TAF3: variants seen among roughly 807,000 people sequenced by gnomAD.
The protein encoded by TAF3 is TATA-box binding protein associated factor 3, also known as transcription initiation factor TFIID subunit 3.
TAF3 carries 7 observed loss-of-function variants against 80.6 expected under a neutral mutation model. The observed-to-expected ratio is 0.09, with a 90% CI of 0.05 to 0.16. The LOEUF (loss-of-function observed/expected upper bound fraction) is 0.16. TAF3 is among the 10% of genes least tolerant of loss of function. The pLI is 1.00. For missense variants in TAF3, 921 were observed against 1,140.2 expected (o/e 0.81, Z 2.77); for synonymous variants, 444 against 446.1 (o/e 1.00, Z 0.06).
intron 2 of TAF3, among the ~76,000 whole-genome samples, chr10:7,883,505 T>C (rs199623487): frequency 6.6e-6 from 1 of 152,238 alleles, no homozygotes; most frequent in East Asian, 1.9e-4. Flanking sequence ...TTCTCCTTTG[T>C]CATTGATAGC....
intron 2 of TAF3, among the ~76,000 whole-genome samples, chr10:7,838,930 T>C (rs1220641603): frequency 3.0e-5 from 3 of 101,682 alleles, no homozygotes; most frequent in African/African-American, 1.1e-4. Context: ...TTTTGGTTTG[T>C]TTGTTTTGTT....
At chr10:7,963,005 A>G (rs1274107163) in intron 2 of TAF3, among the ~76,000 whole-genome samples, 1 of 152,200 alleles carries the variant, frequency 6.6e-6, no homozygotes, top group Non-Finnish European at 1.5e-5. Context: ...ACAGGCTCAG[A>G]GAGGTTGAGA....
intron 2 of TAF3, among the ~76,000 whole-genome samples, chr10:7,896,164 G>A (rs7909825): frequency 0.35 from 53,362 of 152,020 alleles, 10,525 homozygotes; most frequent in Admixed American, 0.48. Context: ...TTGTTCTATT[G>A]TGTATGCTAG....
intron 1 of TAF3, among the ~76,000 whole-genome samples, chr10:7,819,975 A>G (rs966643251): frequency 6.6e-6 from 1 of 152,194 alleles, no homozygotes; most frequent in African/African-American, 2.4e-5. Flanking sequence ...CGTTGGTTAC[A>G]GGCTAAAAAT....
intron 2 of TAF3, among the ~76,000 whole-genome samples, chr10:7,876,304 G>A (rs754324049): frequency 3.3e-5 from 5 of 152,140 alleles, no homozygotes; most frequent in Non-Finnish European, 7.4e-5. Flanking sequence ...TTACCTGAAA[G>A]CAATACTTTA....
chr10:7,843,965 T>C (rs1432252912), intron 2 of TAF3, among the ~76,000 whole-genome samples: 5 of 152,204 alleles, frequency 3.3e-5, no homozygotes, highest in African/African-American at 4.8e-5. Flanking sequence ...TCTTTCAATT[T>C]CTGTTAGTGT....
At chr10:7,898,301 C>T (rs993127064) in intron 2 of TAF3, among the ~76,000 whole-genome samples, 1 of 152,108 alleles carries the variant, frequency 6.6e-6, no homozygotes, top group African/African-American at 2.4e-5. Flanking sequence ...AATCCCAGCA[C>T]TTTGGGAGGC....
chr10:7,919,714 G>C (rs904738847), intron 2 of TAF3, among the ~76,000 whole-genome samples: 4 of 151,894 alleles, frequency 2.6e-5, no homozygotes, highest in Non-Finnish European at 5.9e-5. Context: ...AGCTAATACA[G>C]TATAAATGCT....
Position 7,965,618 on chromosome 10 carries a change from A to G in TAF3, c.2108A>G (p.Lys703Arg), listed in dbSNP as rs1366568366. Reference sequence around the variant, plus strand: ...AAGGTGAAGGAGAAAGAAAAGAAAAAGGACAAAAAGGAGAAGAAGAAAAAG... The same window carrying G: ...AAGGTGAAGGAGAAAGAAAAGAAAAGGGACAAAAAGGAGAAGAAGAAAAAG... ...KEKVKEKEKK[K>R]DKKEKKKKKE... Residue 703 changes from lysine to arginine, a missense_variant, in exon 3 of 7, where the codon AAG becomes AGG. Physicochemically the swap from Lys to Arg is conservative, Grantham distance 26. Around this residue, in one of 6 missense-constraint regions of TAF3, gnomAD observed 743 missense variants for 821.0 expected, o/e 0.90. Transcript: ENST00000344293. The G allele has an allele frequency of 1.2e-6, 2 of 1,601,138 alleles. No individual in the cohort carries two copies. Among genetic ancestry groups the G allele is most frequent in the South Asian group, 1.1e-5 (1 of 87,678 alleles).
rs1237148770 is a variant in TAF3 at position 7,818,525 on chromosome 10, C to G, written c.-185C>G. 1.8e-6 allele frequency: 1 copy of G among 548,316 alleles called. No individual in the cohort carries two copies. Among genetic ancestry groups the G allele is most frequent in the Admixed American group, 4.0e-5 (1 of 25,294 alleles). The allele number at this position is 548,316 out of a possible 1,614,324, so 34.0% of individuals were successfully genotyped here. A position where few individuals can be genotyped will look rare whatever the true frequency, so the allele number is the denominator to read the frequency against. ...CGTCCAGCGGGAGGCGGAGCGAGTCCAAAATGGCGGCTCTCAGGCTGGCGC... is the reference window on the plus strand; with the variant it reads ...CGTCCAGCGGGAGGCGGAGCGAGTCGAAAATGGCGGCTCTCAGGCTGGCGC... On this transcript the variant is annotated 5_prime_UTR_variant, in exon 1 of 7. Coordinates refer to ENST00000344293, the MANE Select transcript of TAF3 (RefSeq NM_031923.4).
chr10:7,930,893 A>G (rs546708692), intron 2 of TAF3, among the ~76,000 whole-genome samples: 1 of 152,130 alleles, frequency 6.6e-6, no homozygotes, highest in South Asian at 2.1e-4. Flanking sequence ...CACCTATAAG[A>G]TGTTACTATC....
intron 2 of TAF3, among the ~76,000 whole-genome samples, chr10:7,954,613 C>T (rs1342274501): frequency 1.4e-4 from 16 of 113,034 alleles, no homozygotes; most frequent in East Asian, 3.1e-4. Flanking sequence ...GAATTAGTCC[C>T]AGTTAACACA....
chr10:8,012,464 T>C (rs2131443443), intron 5 of TAF3, among the ~76,000 whole-genome samples: 1 of 152,358 alleles, frequency 6.6e-6, no homozygotes, highest in Non-Finnish European at 1.5e-5. Context: ...TTGCTGTGGA[T>C]GCCGTGGTGA....
At chr10:7,874,794 A>G (rs1272864854) in intron 2 of TAF3, among the ~76,000 whole-genome samples, 3 of 152,008 alleles carry the variant, frequency 2.0e-5, no homozygotes, top group Admixed American at 6.6e-5. Context: ...TGCAGATTAC[A>G]TGGAAAACTT....
chr10:7,933,431 A>T (rs1427463464), intron 2 of TAF3, among the ~76,000 whole-genome samples: 1 of 152,228 alleles, frequency 6.6e-6, no homozygotes, highest in African/African-American at 2.4e-5. Flanking sequence ...ACGAGCTCTG[A>T]TGCAACCATT....
At chr10:7,880,915 T>C (rs1837355306) in intron 2 of TAF3, among the ~76,000 whole-genome samples, 2 of 152,112 alleles carry the variant, frequency 1.3e-5, no homozygotes, top group Non-Finnish European at 2.9e-5. Flanking sequence ...CAAACAGAAA[T>C]AAGAGAGAAA....
chr10:7,847,574 G>A (rs11255402), intron 2 of TAF3, among the ~76,000 whole-genome samples: 7,083 of 152,204 alleles, frequency 0.047, 294 homozygotes, highest in Admixed American at 0.11. Flanking sequence ...CTTCTGGGTA[G>A]CTGGAACTAC....
chr10:8,003,594 A>T (rs1831965338), intron 4 of TAF3, among the ~76,000 whole-genome samples: 1 of 152,260 alleles, frequency 6.6e-6, no homozygotes, highest in Non-Finnish European at 1.5e-5. Flanking sequence ...ATGATTTCAG[A>T]TTACACATTG....
intron 2 of TAF3, among the ~76,000 whole-genome samples, chr10:7,883,285 A>G (rs1048052454): frequency 6.6e-6 from 1 of 152,224 alleles, no homozygotes; most frequent in Non-Finnish European, 1.5e-5. Context: ...TTGGAAGAGA[A>G]CAAACTAGTT....
Sources: gnomAD v4.1 joint callset for allele counts (sites outside exome capture counted in the v4.1 genomes callset) on GRCh38, gnomAD v4.1.1 for gene constraint, gnomAD v4.1.1 regional missense constraint, MANE v1.5 for transcripts, NCBI Gene and HGNC (gene_info 2026-07-23, HGNC 2026-07-21) for gene names.